PLD5: variants seen among roughly 807,000 people sequenced by gnomAD.
PLD5 encodes the protein inactive phospholipase D5.
A neutral mutation model predicts 61.1 loss-of-function variants in PLD5; 36 were observed. That is an observed-to-expected ratio of 0.59 (90% CI 0.45 to 0.78). PLD5 has a LOEUF of 0.78. PLD5 is among the 30% of genes least tolerant of loss of function. The pLI, the probability that PLD5 is intolerant of heterozygous loss-of-function variation, is 0.00. For missense variants in PLD5, 515 were observed against 644.4 expected (o/e 0.80, Z 2.17); for synonymous variants, 243 against 242.8 (o/e 1.00, Z -0.01).
intron 4 of PLD5, among the ~76,000 whole-genome samples, chr1:242,220,743 T>TATTTTA (rs1670531036): frequency 6.7e-6 from 1 of 150,118 alleles, no homozygotes; most frequent in Admixed American, 6.6e-5. Flanking sequence ...TATTTTATTT[T>TATTTTA]ATTTTATTTT....
intron 4 of PLD5, among the ~76,000 whole-genome samples, chr1:242,257,778 A>AT (rs999739694): frequency 4.6e-5 from 7 of 150,686 alleles, no homozygotes; most frequent in South Asian, 2.1e-4. Flanking sequence ...TAAAAGATTT[A>AT]TTTTTTTTTT....
intron 1 of PLD5, among the ~76,000 whole-genome samples, chr1:242,519,321 G>T (rs976500899): frequency 1.3e-5 from 2 of 152,188 alleles, no homozygotes; most frequent in Non-Finnish European, 2.9e-5. Context: ...ATTCCAGGAG[G>T]CAAGTGTGCA....
intron 5 of PLD5, among the ~76,000 whole-genome samples, chr1:242,157,173 A>G (rs1665441752): frequency 6.6e-6 from 1 of 152,076 alleles, no homozygotes; most frequent in African/African-American, 2.4e-5. Context: ...ATGCTTCACA[A>G]AGTTCTCGTG....
intron 2 of PLD5, among the ~76,000 whole-genome samples, chr1:242,327,116 C>G (rs1253444141): frequency 3.3e-5 from 5 of 152,112 alleles, no homozygotes; most frequent in Non-Finnish European, 7.4e-5. Context: ...CCACCTGCCT[C>G]AGCCTCCCAA....
chr1:242,171,204 T>C (rs1221829832), intron 5 of PLD5, among the ~76,000 whole-genome samples: 1 of 152,180 alleles, frequency 6.6e-6, no homozygotes, highest in Non-Finnish European at 1.5e-5. Context: ...GCAGAAAGCC[T>C]ACAAGCCAGA....
intron 1 of PLD5, among the ~76,000 whole-genome samples, chr1:242,396,668 C>CTTTCTTTTTTTT (rs1479365427): frequency 3.2e-5 from 4 of 125,124 alleles, no homozygotes; most frequent in Admixed American, 8.0e-5. Context: ...TCTTTCTTTT[C>CTTTCTTTTTTTT]TTTTCTTTTT....
chr1:242,285,441 T>A (rs1230796619), intron 3 of PLD5, among the ~76,000 whole-genome samples: 2 of 152,062 alleles, frequency 1.3e-5, no homozygotes, highest in African/African-American at 4.8e-5. Flanking sequence ...GAGGTTGCAG[T>A]GAGCCAAGAT....
intron 2 of PLD5, among the ~76,000 whole-genome samples, chr1:242,342,374 G>A (rs1184568146): frequency 6.6e-6 from 1 of 152,322 alleles, no homozygotes; most frequent in East Asian, 1.9e-4. Context: ...GAGAGCAGGT[G>A]TTCTGCAATT....
chr1:242,180,712 G>A (rs1337443485), intron 5 of PLD5, among the ~76,000 whole-genome samples: 2 of 152,166 alleles, frequency 1.3e-5, no homozygotes. Context: ...TGGGCGTGGT[G>A]GCTCATGCCT....
intron 5 of PLD5, among the ~76,000 whole-genome samples, chr1:242,197,055 G>T (rs1668678246): frequency 6.6e-6 from 1 of 152,036 alleles, no homozygotes. Context: ...TAGGAGGCAT[G>T]CGGGCTGATG....
intron 1 of PLD5, among the ~76,000 whole-genome samples, chr1:242,480,672 A>G (rs1245463142): frequency 6.6e-6 from 1 of 152,238 alleles, no homozygotes. Context: ...GTAACCCATT[A>G]AAATTCATGC....
chr1:242,453,170 C>T (rs1666842345), intron 1 of PLD5, among the ~76,000 whole-genome samples: 1 of 152,104 alleles, frequency 6.6e-6, no homozygotes. Flanking sequence ...GGGATTAGTA[C>T]TTTTATCAAA....
At chr1:242,483,900 G>C in intron 1 of PLD5, among the ~76,000 whole-genome samples, 1 of 151,856 alleles carries the variant, frequency 6.6e-6, no homozygotes. Flanking sequence ...TCAGGATTAA[G>C]AAACTCACTC....
At chr1:242,326,240 G>A (rs886384390) in intron 2 of PLD5, among the ~76,000 whole-genome samples, 2 of 152,088 alleles carry the variant, frequency 1.3e-5, no homozygotes, top group Non-Finnish European at 2.9e-5. Context: ...AAAAGCATTT[G>A]CTGGGAAGGG....
chr1:242,125,491 C>T (rs372581325), intron 5 of PLD5, among the ~76,000 whole-genome samples: 12 of 152,294 alleles, frequency 7.9e-5, no homozygotes, highest in African/African-American at 2.9e-4. Flanking sequence ...TAATCAAATA[C>T]ACTCAGGAAC....
At chr1:242,380,949 G>A (rs1157238413) in intron 1 of PLD5, among the ~76,000 whole-genome samples, 1 of 152,134 alleles carries the variant, frequency 6.6e-6, no homozygotes, top group Non-Finnish European at 1.5e-5. Context: ...CACTGTTGAT[G>A]GGAATATAAA....
intron 1 of PLD5, among the ~76,000 whole-genome samples, chr1:242,395,049 A>ATGAATATATGAATATATG (rs1663466893): frequency 9.3e-6 from 1 of 107,522 alleles, no homozygotes; most frequent in East Asian, 2.3e-4. Context: ...ATATGTATAT[A>ATGAATATATGAATATATG]TGAATATATA....
chr1:242,340,835 AG>A (rs1659787979), intron 2 of PLD5, among the ~76,000 whole-genome samples: 2 of 152,190 alleles, frequency 1.3e-5, no homozygotes, highest in Non-Finnish European at 2.9e-5. Context: ...GGAGAGGAAG[AG>A]GGAAGGAGGG....
chr1:242,099,107 T>C (rs1401115990), intron 9 of PLD5, among the ~76,000 whole-genome samples: 1 of 152,122 alleles, frequency 6.6e-6, no homozygotes, highest in African/African-American at 2.4e-5. Context: ...GACATTTTTT[T>C]GGCCTATTTA....
Sources: gnomAD v4.1 joint callset for allele counts (sites outside exome capture counted in the v4.1 genomes callset) on GRCh38, gnomAD v4.1.1 for gene constraint, MANE v1.5 for transcripts, NCBI Gene and HGNC (gene_info 2026-07-23, HGNC 2026-07-21) for gene names.